MCC: variants seen among roughly 807,000 people sequenced by gnomAD.
The protein encoded by MCC is MCC regulator of Wnt signaling pathway.
Under a neutral mutation model 116.2 loss-of-function variants are expected in MCC, and 90 were observed. The observed-to-expected ratio is 0.77, with a 90% CI of 0.65 to 0.92. MCC has a LOEUF of 0.92. Among genes scored for constraint, MCC ranks in the 40% least tolerant of loss-of-function variants. MCC has a pLI of 0.00. For missense variants in MCC, 1,516 were observed against 1,312.2 expected, an observed-to-expected ratio of 1.16 and a Z score of -2.40; for synonymous variants, 578 against 510.5, an observed-to-expected ratio of 1.13 and a Z score of -1.78.
At chr5:113,094,412 T>C (rs1581044037) in intron 8 of MCC, among the ~76,000 whole-genome samples, 1 of 150,738 alleles carries the variant, frequency 6.6e-6, no homozygotes, top group East Asian at 1.9e-4. Flanking sequence ...GCCAGCATTT[T>C]GGCAATCTTC....
intron 5 of MCC, among the ~76,000 whole-genome samples, chr5:113,140,890 A>G (rs371653900): frequency 6.6e-6 from 1 of 152,168 alleles, no homozygotes; most frequent in African/African-American, 2.4e-5. Flanking sequence ...GCATATTAAG[A>G]GCTGAGACTG....
intron 4 of MCC, among the ~76,000 whole-genome samples, chr5:113,149,357 C>A (rs903754337): frequency 4.0e-5 from 6 of 151,824 alleles, no homozygotes; most frequent in African/African-American, 9.7e-5. Context: ...CTTTTATAAT[C>A]AGAAGGAAAA....
intron 3 of MCC, among the ~76,000 whole-genome samples, chr5:113,327,508 T>C (rs1767588354): frequency 7.3e-6 from 1 of 137,450 alleles, no homozygotes; most frequent in Non-Finnish European, 1.5e-5. Flanking sequence ...GTCGTGCTAC[T>C]GTACTCCAGC....
In MCC at chr5:113,027,012, A is replaced by G. The variant is rs1750595650; in HGVS notation, c.*290T>C. On this transcript the variant is annotated 3_prime_UTR_variant, in exon 19 of 19. Coordinates refer to ENST00000408903, the MANE Select transcript of MCC (RefSeq NM_001085377.2). ...GCCGCCAGACCAGAAGAGGAGGGGG[A>G]GAGTGAGTGCTGAAAGCAGAAACGA... 10 of 354,458 alleles carry G rather than the reference A, an allele frequency of 2.8e-5. No homozygotes were observed. The highest frequency in any genetic ancestry group is 9.5e-5 in the East Asian group (2 of 21,038). 22.0% of individuals were successfully genotyped at this position (354,458 alleles called of 1,614,324 possible).
chr5:113,217,893 C>G (rs549555621), intron 3 of MCC, among the ~76,000 whole-genome samples: 1 of 152,064 alleles, frequency 6.6e-6, no homozygotes, highest in Non-Finnish European at 1.5e-5. Context: ...GCACACCACG[C>G]CTGTATGTTC....
intron 3 of MCC, among the ~76,000 whole-genome samples, chr5:113,254,008 G>A (rs1764908882): frequency 1.3e-5 from 2 of 152,126 alleles, no homozygotes; most frequent in Admixed American, 1.3e-4. Flanking sequence ...CTGAACCCAA[G>A]TCTTCAGATT....
At chr5:113,170,588 A>G (rs770599626) in intron 3 of MCC, among the ~76,000 whole-genome samples, 9 of 152,076 alleles carry the variant, frequency 5.9e-5, no homozygotes, top group Admixed American at 2.6e-4. Flanking sequence ...GGGCATTCCT[A>G]TAAGTGTTGT....
chr5:113,215,253 A>G (rs1447605922), intron 3 of MCC, among the ~76,000 whole-genome samples: 3 of 152,162 alleles, frequency 2.0e-5, no homozygotes, highest in Non-Finnish European at 4.4e-5. Context: ...TAGCTTGTCT[A>G]TTTCCTCTAC....
chr5:113,421,625 T>C (rs1487558778), intron 1 of MCC, among the ~76,000 whole-genome samples: 1 of 152,204 alleles, frequency 6.6e-6, no homozygotes, highest in Non-Finnish European at 1.5e-5. Flanking sequence ...CTCATCTGGG[T>C]CAGACTGTCT....
At chr5:113,132,104 A>T (rs1421184181) in intron 5 of MCC, among the ~76,000 whole-genome samples, 3 of 151,980 alleles carry the variant, frequency 2.0e-5, no homozygotes, top group Admixed American at 1.3e-4. Flanking sequence ...ATAACGATTA[A>T]TTTTTTATTT....
At chr5:113,117,053 AC>A (rs1481830849) in intron 6 of MCC, among the ~76,000 whole-genome samples, 3 of 152,230 alleles carry the variant, frequency 2.0e-5, no homozygotes, top group Non-Finnish European at 4.4e-5. Flanking sequence ...AGGATCACTG[AC>A]TATCTAGCCA....
At chr5:113,215,554 C>T (rs1056353037) in intron 3 of MCC, among the ~76,000 whole-genome samples, 7 of 152,146 alleles carry the variant, frequency 4.6e-5, no homozygotes, top group Non-Finnish European at 8.8e-5. Flanking sequence ...TTATAAAAGA[C>T]GGTTCATGGG....
chr5:113,073,969 A>G (rs575561614), intron 11 of MCC, among the ~76,000 whole-genome samples: 9 of 152,370 alleles, frequency 5.9e-5, no homozygotes, highest in African/African-American at 1.9e-4. Context: ...ATAGCTGAAC[A>G]AAAGGCAGCA....
At chr5:113,346,204 T>A (rs1259072944) in intron 2 of MCC, among the ~76,000 whole-genome samples, 1 of 151,744 alleles carries the variant, frequency 6.6e-6, no homozygotes, top group South Asian at 2.1e-4. Context: ...ATAAAAAAAA[T>A]GAAGCACGCC....
At chr5:113,060,030 T>A (rs540105533) in intron 14 of MCC, among the ~76,000 whole-genome samples, 3 of 152,344 alleles carry the variant, frequency 2.0e-5, no homozygotes, top group Admixed American at 6.5e-5. Context: ...GGTGGAAGGC[T>A]AGAAGGACAT....
intron 3 of MCC, among the ~76,000 whole-genome samples, chr5:113,287,868 A>T (rs1315036972): frequency 6.6e-6 from 1 of 152,066 alleles, no homozygotes; most frequent in Non-Finnish European, 1.5e-5. Flanking sequence ...GTGCTTCCTT[A>T]AGATAAGAAG....
rs144173781 is a variant in MCC at position 113,440,279 on chromosome 5, A to T, written c.170+47966T>A. Among the ~76,000 whole-genome samples the T allele has an allele frequency of 2.3e-3, 350 of 152,076 alleles. 4 individuals carry two copies. The highest frequency in any genetic ancestry group is 5.8e-3 in the Admixed American group (88 of 15,268). On this transcript the variant is annotated intron_variant, in intron 1 of 18. Coordinates refer to ENST00000408903, the MANE Select transcript of MCC (RefSeq NM_001085377.2). ...TTGAGTAGGCTCTCATGGCCCTTAG[A>T]AAAAAGTAGACGTTCCTTCAGAATC...
At chr5:113,420,305 C>A (rs983795535) in intron 1 of MCC, among the ~76,000 whole-genome samples, 1 of 151,696 alleles carries the variant, frequency 6.6e-6, no homozygotes, top group African/African-American at 2.4e-5. Context: ...ACAAGTTAGA[C>A]GCAAAGAATA....
chr5:113,207,366 T>C (rs2150321914), intron 3 of MCC, among the ~76,000 whole-genome samples: 1 of 151,792 alleles, frequency 6.6e-6, no homozygotes, highest in East Asian at 1.9e-4. Context: ...GTATTAGCTA[T>C]TTTTATTAGC....
Sources: allele counts gnomAD v4.1 joint callset (sites outside exome capture counted in the v4.1 genomes callset), GRCh38; gene constraint gnomAD v4.1.1; transcripts MANE v1.5; gene names NCBI Gene and HGNC (gene_info 2026-07-23, HGNC 2026-07-21).